FYB1: variants seen among roughly 807,000 people sequenced by gnomAD.
FYB1 encodes FYN-binding protein 1.
FYB1 carries 41 observed loss-of-function variants against 94.1 expected under a neutral mutation model. The ratio of observed to expected loss-of-function variants is 0.44; its 90% CI spans 0.34 to 0.57. FYB1 has a LOEUF of 0.57. Among genes scored for constraint, FYB1 ranks in the 20% least tolerant of loss-of-function variants. FYB1 has a pLI of 0.02. For missense variants in FYB1, 1,050 were observed against 976.8 expected (o/e 1.07, Z -1.00); for synonymous variants, 367 against 353.2 (o/e 1.04, Z -0.44).
intron 2 of FYB1, among the ~76,000 whole-genome samples, chr5:39,155,867 A>G (rs1039695060): frequency 1.3e-4 from 20 of 152,242 alleles, no homozygotes; most frequent in African/African-American, 4.8e-4. Context: ...TGCCTCTTTT[A>G]TCATAGAATA....
intron 5 of FYB1, 67 bp from the exon 6 acceptor site, chr5:39,138,758 G>C: frequency 1.1e-6 from 1 of 905,266 alleles, no homozygotes; most frequent in Non-Finnish European, 1.8e-6. Context: ...ATATTACATT[G>C]CTTAGACTTA....
chr5:39,124,418 A>C, intron 12 of FYB1, 140 bp from the exon 13 acceptor site: 6 of 511,184 alleles, frequency 1.2e-5, no homozygotes, highest in East Asian at 3.5e-5. Context: ...TTTCTTTCTC[A>C]TCCTCCATTT....
intron 2 of FYB1, among the ~76,000 whole-genome samples, chr5:39,170,616 TCC>T (rs1213544930): frequency 3.3e-5 from 5 of 152,248 alleles, no homozygotes; most frequent in Admixed American, 2.0e-4. Context: ...AACAGTAGCC[TCC>T]TCACCAGTTT....
intron 2 of FYB1, among the ~76,000 whole-genome samples, chr5:39,187,419 C>T (rs2289545): frequency 0.31 from 46,766 of 152,036 alleles, 7,603 homozygotes; most frequent in East Asian, 0.42. Context: ...TTGTAAGTAC[C>T]GTATAAGCCT....
intron 2 of FYB1, among the ~76,000 whole-genome samples, chr5:39,158,736 G>A (rs1454212240): frequency 6.6e-6 from 1 of 152,022 alleles, no homozygotes; most frequent in Non-Finnish European, 1.5e-5. Context: ...TGTCCCGAGG[G>A]GCATAAGGAA....
chr5:39,144,196 A>G (rs1742436490), intron 3 of FYB1, among the ~76,000 whole-genome samples: 1 of 152,202 alleles, frequency 6.6e-6, no homozygotes, highest in African/African-American at 2.4e-5. Context: ...TTTAGCTGAA[A>G]CATTAAGGAG....
At chr5:39,182,942 A>G (rs925810356) in intron 2 of FYB1, among the ~76,000 whole-genome samples, 3 of 152,238 alleles carry the variant, frequency 2.0e-5, no homozygotes, top group Non-Finnish European at 4.4e-5. Flanking sequence ...TAAGCTACAG[A>G]CAGGTCTCAT....
chr5:39,136,568 T>C (rs1166284401), intron 7 of FYB1, among the ~76,000 whole-genome samples: 2 of 152,186 alleles, frequency 1.3e-5, no homozygotes, highest in Admixed American at 6.5e-5. Flanking sequence ...TTTAGTTCCA[T>C]AACAAACTTT....
intron 1 of FYB1, among the ~76,000 whole-genome samples, chr5:39,207,619 C>T (rs947230184): frequency 1.3e-5 from 2 of 152,182 alleles, no homozygotes; most frequent in African/African-American, 4.8e-5. Flanking sequence ...CTTTTGTAGT[C>T]AGTTCATCTA....
At chr5:39,156,887 G>A (rs1374931347) in intron 2 of FYB1, among the ~76,000 whole-genome samples, 1 of 152,142 alleles carries the variant, frequency 6.6e-6, no homozygotes, top group Non-Finnish European at 1.5e-5. Context: ...CTGATGGAAA[G>A]AAAGGGGATG....
intron 10 of FYB1, among the ~76,000 whole-genome samples, chr5:39,128,185 A>G (rs1004432049): frequency 6.6e-6 from 1 of 152,180 alleles, no homozygotes; most frequent in Non-Finnish European, 1.5e-5. Flanking sequence ...TGATCAAGAC[A>G]CAAGAGAAGA....
At chr5:39,155,696 T>C (rs1381045553) in intron 2 of FYB1, among the ~76,000 whole-genome samples, 1 of 152,182 alleles carries the variant, frequency 6.6e-6, no homozygotes. Context: ...TTGTTGTTTT[T>C]TGTTTTTTAA....
rs1019949226 is a variant in FYB1 at position 39,107,120 on chromosome 5, A to C, written c.*323T>G. 5.0e-5 allele frequency: 9 copies of C among 179,564 alleles called. No homozygotes were observed. Among genetic ancestry groups the C allele is most frequent in the East Asian group, 2.6e-4 (2 of 7,710 alleles). 11.1% of individuals were successfully genotyped at this position (179,564 alleles called of 1,614,324 possible). On this transcript the variant is annotated 3_prime_UTR_variant, in exon 19 of 19. Transcript: ENST00000512982. ...CCTGAATGATTTTCCTTTTTCTTTTATTTTTATTTTTTGAAGGAGGATTAT... is the reference window on the plus strand; with the variant it reads ...CCTGAATGATTTTCCTTTTTCTTTTCTTTTTATTTTTTGAAGGAGGATTAT...
intron 2 of FYB1, among the ~76,000 whole-genome samples, chr5:39,195,419 C>A (rs1444542643): frequency 6.6e-6 from 1 of 152,132 alleles, no homozygotes; most frequent in East Asian, 1.9e-4. Flanking sequence ...AAGGTGATAG[C>A]TTTGGGGCCT....
At position 39,202,627 on chromosome 5, in the gene FYB1, G is replaced by C; in HGVS notation, c.334C>G (p.Pro112Ala). ...DPEAKVGFLKPVGPKPINLPK... is the reference protein window; with the variant it reads ...DPEAKVGFLKAVGPKPINLPK... ...AAGTTGATGGGCTTGGGGCCTACAG[G>C]TTTCAGAAATCCCACTTTCGCCTCG... The change falls in exon 2 of 19, where the codon CCT becomes GCT. Residue 112 changes from proline to alanine, a missense_variant. Physicochemically the swap from Pro to Ala is conservative, Grantham distance 27. Transcript: ENST00000512982. The C allele has an allele frequency of 6.2e-7, 1 of 1,613,824 alleles. No homozygotes were observed. The highest frequency in any genetic ancestry group is 8.5e-7 in the Non-Finnish European group (1 of 1,179,860).
intron 1 of FYB1, chr5:39,270,530 G>T: frequency 2.0e-6 from 3 of 1,523,864 alleles, no homozygotes; most frequent in Non-Finnish European, 2.6e-6. Context: ...TAGCACATTT[G>T]CCAGGAGACC....
At chr5:39,109,203 G>A (rs1738823905) in intron 17 of FYB1, among the ~76,000 whole-genome samples, 1 of 152,004 alleles carries the variant, frequency 6.6e-6, no homozygotes, top group Non-Finnish European at 1.5e-5. Context: ...GATGCTGTGA[G>A]TTCCCTATGT....
intron 1 of FYB1, among the ~76,000 whole-genome samples, chr5:39,265,530 A>C (rs1213270211): frequency 6.9e-6 from 1 of 144,680 alleles, no homozygotes; most frequent in East Asian, 2.1e-4. Context: ...GGTGGTGGGC[A>C]CCTGTAATCC....
Position 39,238,668 on chromosome 5 carries a change from A to G in FYB1, c.-27-35681T>C, listed in dbSNP as rs1390415834. ...CTCAAAGTGTCTGCATACAATCTCT[A>G]CAACAGCCAGCATCAAATCAGCACA... On this transcript the variant is annotated intron_variant, in intron 1 of 1. Coordinates refer to the FYB1 transcript ENST00000510188. 9.9e-5 allele frequency among the ~76,000 whole-genome samples: 15 copies of G among 152,230 alleles called. 1 individual carries two copies. In the South Asian group the frequency reaches 2.7e-3, roughly 27 times the overall value.
Sources: gnomAD v4.1 joint callset for allele counts (sites outside exome capture counted in the v4.1 genomes callset) on GRCh38, gnomAD v4.1.1 for gene constraint, MANE v1.5 for transcripts, NCBI Gene and HGNC (gene_info 2026-07-23, HGNC 2026-07-21) for gene names.